Variants in PCBP3 observed in about 807,000 individuals in gnomAD.
The protein encoded by PCBP3 is poly(rC) binding protein 3, also known as poly(rC)-binding protein 3.
Under a neutral mutation model 52.7 loss-of-function variants are expected in PCBP3, and 25 were observed. The observed-to-expected ratio is 0.47, with a 90% CI of 0.35 to 0.66. The LOEUF (loss-of-function observed/expected upper bound fraction) is 0.66. Among genes scored for constraint, PCBP3 ranks in the 30% least tolerant of loss-of-function variants. PCBP3 has a pLI of 0.01. For synonymous variants in PCBP3, 162 were observed against 183.0 expected (o/e 0.89, Z 0.93); for missense variants, 391 against 490.3 (o/e 0.80, Z 1.91).
At chr21:45,832,279 G>A (rs142793284) in intron 4 of PCBP3, among the ~76,000 whole-genome samples, 70 of 152,254 alleles carry the variant, frequency 4.6e-4, no homozygotes, top group African/African-American at 1.6e-3. Flanking sequence ...CAGAGGTCAC[G>A]CTCATCTCCA....
intron 4 of PCBP3, among the ~76,000 whole-genome samples, chr21:45,848,996 C>T (rs986122683): frequency 4.6e-5 from 7 of 152,098 alleles, no homozygotes; most frequent in Admixed American, 1.3e-4. Flanking sequence ...GGTGGTTTAC[C>T]AGGTTTCTTT....
At chr21:45,734,845 T>A (rs933510410) in intron 2 of PCBP3, among the ~76,000 whole-genome samples, 2 of 152,232 alleles carry the variant, frequency 1.3e-5, no homozygotes, top group African/African-American at 4.8e-5. Flanking sequence ...TGGTCCAGGC[T>A]TTCTTATGTT....
intron 4 of PCBP3, among the ~76,000 whole-genome samples, chr21:45,818,930 T>G (rs1160518556): frequency 6.6e-6 from 1 of 152,228 alleles, no homozygotes; most frequent in East Asian, 1.9e-4. Context: ...TGCTATACGA[T>G]TCCAACTATA....
At chr21:45,878,978 G>T (rs2095335845) in intron 5 of PCBP3, among the ~76,000 whole-genome samples, 1 of 152,102 alleles carries the variant, frequency 6.6e-6, no homozygotes, top group Non-Finnish European at 1.5e-5. Context: ...GGAAAGCGAA[G>T]GTTTTGTTTG....
intron 4 of PCBP3, among the ~76,000 whole-genome samples, chr21:45,764,841 T>C (rs2089138748): frequency 6.6e-6 from 1 of 151,442 alleles, no homozygotes; most frequent in Non-Finnish European, 1.5e-5. Context: ...ATTATAAGCG[T>C]GGAGACAGAT....
intron 4 of PCBP3, among the ~76,000 whole-genome samples, chr21:45,819,528 C>T (rs1356739650): frequency 2.0e-5 from 3 of 152,200 alleles, no homozygotes; most frequent in East Asian, 1.9e-4. Flanking sequence ...ACCCCAAGGC[C>T]GAGGCCGGCA....
chr21:45,652,616 A>G (rs1007063198), intron 1 of PCBP3, among the ~76,000 whole-genome samples: 6 of 151,654 alleles, frequency 4.0e-5, no homozygotes, highest in Admixed American at 6.6e-5. Flanking sequence ...TAATTTTTGT[A>G]TTTTTTAGTA....
At chr21:45,900,398 T>C (rs7281469) in intron 7 of PCBP3, among the ~76,000 whole-genome samples, 193 bp from the exon 8 acceptor site, 49,524 of 152,056 alleles carry the variant, frequency 0.33, 9,093 homozygotes, top group East Asian at 0.67. Context: ...GTTTCCCATC[T>C]GAAATGTCTG....
At chr21:45,762,481 C>CTTCTCTTTTTTT (rs1440812461) in intron 4 of PCBP3, 1 of 106,006 alleles carries the variant, frequency 9.4e-6, no homozygotes, top group African/African-American at 3.1e-5. Context: ...TTTTTCTTTT[C>CTTCTCTTTTTTT]TTTTCTTCTC....
chr21:45,689,893 G>A (rs919498536), intron 2 of PCBP3, among the ~76,000 whole-genome samples: 12 of 152,244 alleles, frequency 7.9e-5, no homozygotes, highest in African/African-American at 2.9e-4. Context: ...AGATTATGAT[G>A]TGCACTGACT....
chr21:45,644,748 A>G (rs1164625293), intron 1 of PCBP3, among the ~76,000 whole-genome samples: 1 of 152,124 alleles, frequency 6.6e-6, no homozygotes, highest in Non-Finnish European at 1.5e-5. Context: ...GCCAGAAGGA[A>G]TCTTGAGCAG....
intron 2 of PCBP3, among the ~76,000 whole-genome samples, chr21:45,669,567 A>ACAC (rs2081014596): frequency 6.6e-6 from 1 of 151,910 alleles, no homozygotes; most frequent in South Asian, 2.1e-4. Flanking sequence ...GAAACTCTTT[A>ACAC]CACATTAAAC....
intron 5 of PCBP3, among the ~76,000 whole-genome samples, chr21:45,862,890 C>G (rs564863810): frequency 6.6e-6 from 1 of 152,326 alleles, no homozygotes; most frequent in East Asian, 1.9e-4. Context: ...AAGCCTGTAA[C>G]AGAACAGAGG....
Position 45,910,885 on chromosome 21 carries a change from A to AT in PCBP3, c.472-16dup, listed in dbSNP as rs2149266513. 1 of 1,586,234 alleles carries AT rather than the reference A, an allele frequency of 6.3e-7. No individual in the cohort carries two copies. Among genetic ancestry groups the AT allele is most frequent in the East Asian group, 2.2e-5 (1 of 44,510 alleles). On this transcript the variant is annotated splice_polypyrimidine_tract_variant and intron_variant, in intron 10 of 17. Coordinates refer to ENST00000681687, the MANE Select transcript of PCBP3 (RefSeq NM_001384156.1). ...GCTGCTACCCTGGTGCTCCCTTCCA[A>AT]TGTCCCCTCTCTCCAGTCCACAGGT...
At position 45,842,370 on chromosome 21, in the gene PCBP3, T is replaced by G. The variant is rs1299931096; in HGVS notation, c.-125-7591T>G. Among the ~76,000 whole-genome samples, 6 of 152,320 alleles carry G rather than the reference T, an allele frequency of 3.9e-5. No individual in the cohort carries two copies. In the South Asian group the frequency reaches 1.0e-3, roughly 26 times the overall value. ...TTAATTGTTGTAGGGATATTGAGAT[T>G]GTCTGTTTCATTTTTTATTTTGTTT... On this transcript the variant is annotated intron_variant, in intron 4 of 17. Coordinates refer to ENST00000681687, the MANE Select transcript of PCBP3 (RefSeq NM_001384156.1).
At chr21:45,895,979 G>A (rs1045992166) in intron 5 of PCBP3, among the ~76,000 whole-genome samples, 2 of 152,256 alleles carry the variant, frequency 1.3e-5, no homozygotes, top group African/African-American at 2.4e-5. Context: ...CCTGCCCAGC[G>A]TCAGGAGGGA....
At chr21:45,889,291 A>T (rs961325460) in intron 5 of PCBP3, among the ~76,000 whole-genome samples, 4 of 152,134 alleles carry the variant, frequency 2.6e-5, no homozygotes, top group Non-Finnish European at 2.9e-5. Flanking sequence ...GCAGCCTCTG[A>T]TTTGCCTTCC....
At chr21:45,664,313 T>C (rs1325034636) in intron 1 of PCBP3, among the ~76,000 whole-genome samples, 2 of 143,150 alleles carry the variant, frequency 1.4e-5, no homozygotes, top group Non-Finnish European at 3.0e-5. Flanking sequence ...TTTAATGTGA[T>C]GAAAGAAAAT....
intron 1 of PCBP3, among the ~76,000 whole-genome samples, chr21:45,666,956 G>T (rs2080836610): frequency 6.6e-6 from 1 of 151,884 alleles, no homozygotes; most frequent in East Asian, 1.9e-4. Flanking sequence ...GCTTATTGAG[G>T]TTATTGAATG....
Sources: gnomAD v4.1 joint callset for allele counts (sites outside exome capture counted in the v4.1 genomes callset) on GRCh38, gnomAD v4.1.1 for gene constraint, MANE v1.5 for transcripts, NCBI Gene and HGNC (gene_info 2026-07-23, HGNC 2026-07-21) for gene names.